KY: variants seen among roughly 807,000 people sequenced by gnomAD.
KY encodes kyphoscoliosis peptidase.
In KY, 43 loss-of-function variants were observed where a neutral mutation model predicts 76.1. The ratio of observed to expected loss-of-function variants is 0.57; its 90% CI spans 0.44 to 0.73. The LOEUF (loss-of-function observed/expected upper bound fraction) is 0.73. KY is among the 30% of genes least tolerant of loss of function. The pLI is 0.00. For missense variants in KY, 722 were observed against 828.9 expected, an observed-to-expected ratio of 0.87 and a Z score of 1.58; for synonymous variants, 277 against 326.2, an observed-to-expected ratio of 0.85 and a Z score of 1.63.
At chr3:134,644,521 G>A (rs1488058994) in intron 2 of KY, among the ~76,000 whole-genome samples, 1 of 152,180 alleles carries the variant, frequency 6.6e-6, no homozygotes, top group East Asian at 1.9e-4. Context: ...GTGGCAGCTG[G>A]AGGTTCCCCC....
intron 8 of KY, among the ~76,000 whole-genome samples, chr3:134,617,364 C>G (rs1961745643): frequency 6.6e-6 from 1 of 152,088 alleles, no homozygotes; most frequent in Non-Finnish European, 1.5e-5. Context: ...TAGGAATATC[C>G]TGTCATTTCT....
rs1222668827 is a variant in KY, at chr3:134,643,345, G to T, written c.233C>A (p.Pro78His). The change falls in exon 3 of 11, where the codon CCC (proline) becomes CAC (histidine). Residue 78 changes from proline to histidine, a missense_variant. By Grantham distance (77) the Pro-to-His change is moderately conservative. Coordinates refer to ENST00000423778, the MANE Select transcript of KY (RefSeq NM_178554.6). ...NLVEKQHPQQPQVITSYNSQG... is the reference protein window; with the variant it reads ...NLVEKQHPQQHQVITSYNSQG... ...GCTGTTGTAGGAAGTGATGACCTGGGGCTGCTGAGGGTGCTGCTTCTCCAC... is the reference window on the plus strand; with the variant it reads ...GCTGTTGTAGGAAGTGATGACCTGGTGCTGCTGAGGGTGCTGCTTCTCCAC... 5 of 1,613,858 alleles carry T rather than the reference G, an allele frequency of 3.1e-6. No homozygotes were observed. The highest frequency in any genetic ancestry group is 4.2e-6 in the Non-Finnish European group (5 of 1,179,890).
In KY at chr3:134,633,379, A is replaced by T. The variant is rs142385518; in HGVS notation, c.263-3684T>A. Among the ~76,000 whole-genome samples, 197 of 152,218 alleles carry T rather than the reference A, an allele frequency of 1.3e-3. 1 individual carries two copies. Among genetic ancestry groups the T allele is most frequent in the African/African-American group, 4.4e-3 (183 of 41,576 alleles). Reference sequence around the variant, plus strand: ...AAAATATTACAACATTAAATCCAACAATATAGTAAAAGAAAAATATACTAC... The same window carrying T: ...AAAATATTACAACATTAAATCCAACTATATAGTAAAAGAAAAATATACTAC... On this transcript the variant is annotated intron_variant, in intron 3 of 10. Coordinates refer to ENST00000423778, the MANE Select transcript of KY (RefSeq NM_178554.6).
rs1276639012 is a variant in KY at position 134,602,759 on chromosome 3, G to A, written c.*820C>T. 6.6e-6 allele frequency among the ~76,000 whole-genome samples: 1 copy of A among 152,170 alleles called. No individual in the cohort carries two copies. Among genetic ancestry groups the A allele is most frequent in the African/African-American group, 2.4e-5 (1 of 41,456 alleles). ...CCTTAGACTGAACTACCTGCCCTGT[G>A]TACTCCTCTCAGAGCAGAGCTGGAG... On this transcript the variant is annotated 3_prime_UTR_variant, in exon 11 of 11. Coordinates refer to ENST00000423778, the MANE Select transcript of KY (RefSeq NM_178554.6).
intron 8 of KY, 73 bp from the exon 9 acceptor site, chr3:134,610,456 G>T (rs1346701137): frequency 7.4e-7 from 1 of 1,352,028 alleles, no homozygotes; most frequent in African/African-American, 1.5e-5. Context: ...ATGGTCTCAG[G>T]TTTCAGGCAT....
chr3:134,621,776 GA>G (rs1313014861), intron 6 of KY, among the ~76,000 whole-genome samples: 3 of 152,074 alleles, frequency 2.0e-5, no homozygotes, highest in African/African-American at 7.2e-5. Context: ...AAGGCAGAAA[GA>G]AAACTTACAA....
Position 134,627,375 on chromosome 3 carries a change from C to T in KY, c.400+381G>A, listed in dbSNP as rs192776400. Among the ~76,000 whole-genome samples, 168 of 152,314 alleles carry T rather than the reference C, an allele frequency of 1.1e-3. 1 individual carries two copies. Among genetic ancestry groups the T allele is most frequent in the African/African-American group, 3.8e-3 (158 of 41,566 alleles). On this transcript the variant is annotated intron_variant, in intron 5 of 10. Transcript: ENST00000423778. Reference sequence around the variant, plus strand: ...CAGGATTCCAACCCAGGCTGTCTATCATCCCTCTCAGTGTTTCTTCCTCTG... The same window carrying T: ...CAGGATTCCAACCCAGGCTGTCTATTATCCCTCTCAGTGTTTCTTCCTCTG...
chr3:134,619,751 C>T (rs1248912387), intron 7 of KY, among the ~76,000 whole-genome samples: 1 of 152,192 alleles, frequency 6.6e-6, no homozygotes, highest in African/African-American at 2.4e-5. Context: ...TGTGGTGAGG[C>T]CCTAAGGCAG....
intron 10 of KY, chr3:134,607,386 T>C: frequency 5.1e-6 from 5 of 985,586 alleles, no homozygotes; most frequent in Non-Finnish European, 6.0e-6. Context: ...TGCCCTGCAA[T>C]GTGGGTTGGA....
chr3:134,609,096 A>G (rs1299600483), intron 9 of KY, among the ~76,000 whole-genome samples: 1 of 152,154 alleles, frequency 6.6e-6, no homozygotes, highest in African/African-American at 2.4e-5. Flanking sequence ...TCGAGGGGAA[A>G]ACTGACTGCC....
At chr3:134,614,461 T>C (rs1961130670) in intron 8 of KY, among the ~76,000 whole-genome samples, 3 of 152,032 alleles carry the variant, frequency 2.0e-5, no homozygotes, top group South Asian at 2.1e-4. Flanking sequence ...TGGAGAAAGC[T>C]GCAGCCCCCA....
At chr3:134,619,355 C>T (rs1962172162) in intron 7 of KY, 90 bp from the exon 8 acceptor site, 10 of 964,546 alleles carry the variant, frequency 1.0e-5, no homozygotes, top group Admixed American at 3.5e-5. Flanking sequence ...TGGCCATCAC[C>T]AGCCCCAGGA....
Position 134,625,236 on chromosome 3 carries a change from T to C in KY, c.401-101A>G. On this transcript the variant is annotated intron_variant, in intron 5 of 10. Transcript: ENST00000423778. Reference sequence around the variant, plus strand: ...TTTGAGGAGCTGTGACTGTCCAACCTTTAACACAATTCTCAAAGCCTGAAA... The same window carrying C: ...TTTGAGGAGCTGTGACTGTCCAACCCTTAACACAATTCTCAAAGCCTGAAA... The C allele has an allele frequency of 4.6e-6, 4 of 860,940 alleles. No homozygotes were observed. In the South Asian group the frequency reaches 5.9e-5, roughly 13 times the overall value. 53.3% of individuals were successfully genotyped at this position (860,940 alleles called of 1,614,324 possible). A position where few individuals can be genotyped will look rare whatever the true frequency, so the allele number is the denominator to read the frequency against.
chr3:134,630,925 T>C (rs1235141712), intron 3 of KY, among the ~76,000 whole-genome samples: 1 of 152,132 alleles, frequency 6.6e-6, no homozygotes, highest in Non-Finnish European at 1.5e-5. Context: ...AAAGGAGAAG[T>C]AAGTGAAGAT....
At chr3:134,649,316 G>A (rs1193588308) in intron 1 of KY, among the ~76,000 whole-genome samples, 1 of 152,188 alleles carries the variant, frequency 6.6e-6, no homozygotes, top group Non-Finnish European at 1.5e-5. Context: ...TCTCAGGGCA[G>A]TCCTGATGCC....
chr3:134,627,178 T>C (rs1963566263), intron 5 of KY, among the ~76,000 whole-genome samples: 1 of 152,204 alleles, frequency 6.6e-6, no homozygotes, highest in East Asian at 1.9e-4. Flanking sequence ...TTATATAAGA[T>C]CTAAGTATGA....
Position 134,604,329 on chromosome 3 carries a change from G to T in KY, c.1236C>A (p.His412Gln). The change falls in exon 11 of 11, where the codon CAC becomes CAA. Residue 412 changes from histidine to glutamine, a missense_variant. Around this residue, in one of 2 missense-constraint regions of KY, gnomAD observed 552 missense variants for 680.9 expected, o/e 0.81. Coordinates refer to ENST00000423778, the MANE Select transcript of KY (RefSeq NM_178554.6). ...LEVYPPTMGT[H>Q]KLQIFAKGNS... ...TGCCCTTGGCAAAGATCTGCAGCTTGTGAGTGCCCATGGTTGGAGGGTACA... is the reference window on the plus strand; with the variant it reads ...TGCCCTTGGCAAAGATCTGCAGCTTTTGAGTGCCCATGGTTGGAGGGTACA... The T allele has an allele frequency of 6.2e-7, 1 of 1,614,022 alleles. No individual in the cohort carries two copies. The highest frequency in any genetic ancestry group is 8.5e-7 in the Non-Finnish European group (1 of 1,179,894).
intron 3 of KY, among the ~76,000 whole-genome samples, chr3:134,638,445 A>C (rs1297466651): frequency 2.0e-5 from 3 of 152,208 alleles, no homozygotes; most frequent in Middle Eastern, 3.2e-3. Flanking sequence ...CCAAACCTAC[A>C]GGAGGCCTTT....
At chr3:134,645,048 AG>A (rs1560145090) in intron 2 of KY, among the ~76,000 whole-genome samples, 1 of 152,234 alleles carries the variant, frequency 6.6e-6, no homozygotes, top group Non-Finnish European at 1.5e-5. Context: ...ATCCTCAAGG[AG>A]GGTGATTGGC....
Sources: allele counts gnomAD v4.1 joint callset (sites outside exome capture counted in the v4.1 genomes callset), GRCh38; gene constraint gnomAD v4.1.1; regional missense constraint gnomAD v4.1.1; transcripts MANE v1.5; gene names NCBI Gene and HGNC (gene_info 2026-07-23, HGNC 2026-07-21).